The following TBXAS1 variants were observed in gnomAD, a reference collection of about 807,000 sequenced individuals.
TBXAS1 encodes the protein thromboxane-A synthase.
TBXAS1 carries 48 observed loss-of-function variants against 60.7 expected under a neutral mutation model. The ratio of observed to expected loss-of-function variants is 0.79; its 90% CI spans 0.63 to 1.01. The LOEUF is 1.01. Ranked by LOEUF, TBXAS1 falls within the 50% of genes least tolerant of loss-of-function variation. The pLI is 0.00. For synonymous variants in TBXAS1, 287 were observed against 269.7 expected, an observed-to-expected ratio of 1.06 and a Z score of -0.63; for missense variants, 685 against 686.3, an observed-to-expected ratio of 1.00 and a Z score of 0.02.
chr7:139,827,542 T>C (rs911799222), upstream of TBXAS1, among the ~76,000 whole-genome samples: 5 of 152,260 alleles, frequency 3.3e-5, no homozygotes, highest in Non-Finnish European at 7.3e-5. Flanking sequence ...TTTTTTGCTT[T>C]TGTTTTTTAA....
At chr7:139,791,964 T>C (rs1797398759) in intron 4 of TBXAS1, among the ~76,000 whole-genome samples, 1 of 152,068 alleles carries the variant, frequency 6.6e-6, no homozygotes, top group East Asian at 1.9e-4. Context: ...TGTTATATTT[T>C]TTTCCTGTGG....
At chr7:139,817,183 G>T (rs1798169814) in intron 4 of TBXAS1, among the ~76,000 whole-genome samples, 1 of 152,038 alleles carries the variant, frequency 6.6e-6, no homozygotes, top group Admixed American at 6.6e-5. Flanking sequence ...ATCTCCCAGT[G>T]GGTCTCCCTT....
intron 4 of TBXAS1, among the ~76,000 whole-genome samples, chr7:139,930,089 A>AGG (rs1260654420): frequency 3.3e-5 from 5 of 152,120 alleles, no homozygotes; most frequent in African/African-American, 1.2e-4. Context: ...CACATCCTTA[A>AGG]GGGTCCTCAC....
intron 3 of TBXAS1, among the ~76,000 whole-genome samples, chr7:139,876,278 C>T (rs1374233124): frequency 6.6e-6 from 1 of 152,130 alleles, no homozygotes; most frequent in Non-Finnish European, 1.5e-5. Flanking sequence ...TTTGTATGCT[C>T]CTTTGTTTCT....
At chr7:139,841,953 A>AT (rs1407471410) in intron 1 of TBXAS1, among the ~76,000 whole-genome samples, 3 of 152,018 alleles carry the variant, frequency 2.0e-5, no homozygotes, top group South Asian at 2.1e-4. Context: ...GAATAGATTG[A>AT]TTTTTTTTAA....
At chr7:139,819,287 G>C (rs1798231363) in intron 4 of TBXAS1, among the ~76,000 whole-genome samples, 1 of 152,172 alleles carries the variant, frequency 6.6e-6, no homozygotes, top group Non-Finnish European at 1.5e-5. Context: ...GGATGATCCA[G>C]CAGAGGCATC....
chr7:139,973,615 G>A (rs566114084), intron 9 of TBXAS1, among the ~76,000 whole-genome samples: 4 of 150,878 alleles, frequency 2.7e-5, no homozygotes, highest in African/African-American at 9.7e-5. Context: ...GAAAATATCA[G>A]CTACCAGACT....
At chr7:139,847,380 G>A (rs907452111) in intron 1 of TBXAS1, among the ~76,000 whole-genome samples, 2 of 152,120 alleles carry the variant, frequency 1.3e-5, no homozygotes, top group East Asian at 1.9e-4. Flanking sequence ...CTCTATTCTC[G>A]CCTGTTGACC....
chr7:140,000,118 G>A (rs1335804639), intron 9 of TBXAS1, among the ~76,000 whole-genome samples: 1 of 152,160 alleles, frequency 6.6e-6, no homozygotes, highest in Non-Finnish European at 1.5e-5. Flanking sequence ...GGGCAGTACT[G>A]TTATTTCCTA....
chr7:140,017,736 G>A lies in TBXAS1; in HGVS notation c.1430G>A (p.Arg477Gln), dbSNP rs371681873. 1.2e-5 allele frequency: 19 copies of A among 1,613,922 alleles called. No homozygotes were observed. Among genetic ancestry groups the A allele is most frequent in the African/African-American group, 4.0e-5 (3 of 74,914 alleles). The change falls in exon 12 of 13, where the codon CGG becomes CAG. Residue 477 changes from arginine (R) to glutamine (Q), a missense_variant. Transcript: ENST00000448866. Reference protein sequence around the residue: ...FTYLPFGAGPRSCLGVRLGLL... With the variant: ...FTYLPFGAGPQSCLGVRLGLL... ...TACCTGCCCTTCGGGGCCGGCCCAC[G>A]GAGCTGCCTCGGGGTGCGTCTAGGG... is the stretch of plus-strand genomic sequence containing the variant.
intron 3 of TBXAS1, among the ~76,000 whole-genome samples, chr7:139,881,497 C>T (rs753522484): frequency 6.6e-6 from 1 of 152,050 alleles, no homozygotes; most frequent in Non-Finnish European, 1.5e-5. Flanking sequence ...GAAATTCATC[C>T]TTTTCCAAAT....
At chr7:139,983,285 A>C (rs555357214) in intron 9 of TBXAS1, among the ~76,000 whole-genome samples, 1 of 152,174 alleles carries the variant, frequency 6.6e-6, no homozygotes, top group African/African-American at 2.4e-5. Context: ...ATGTGCTCTC[A>C]CTGGGATTGG....
intron 9 of TBXAS1, among the ~76,000 whole-genome samples, chr7:139,982,176 T>C (rs1812022493): frequency 6.6e-6 from 1 of 152,272 alleles, no homozygotes; most frequent in South Asian, 2.1e-4. Context: ...GGGACATACT[T>C]ATACTAAAAA....
chr7:139,916,153 A>G lies in TBXAS1; in HGVS notation c.333+4832A>G, dbSNP rs934887096. Among the ~76,000 whole-genome samples the G allele has an allele frequency of 1.3e-5, 2 of 152,174 alleles. No homozygotes were observed. The highest frequency in any genetic ancestry group is 4.8e-5 in the African/African-American group (2 of 41,438). On this transcript the variant is annotated intron_variant, in intron 4 of 12. Transcript: ENST00000448866. This position sits in a 1 kb window ranked among gnomAD's most constrained non-coding sequence, Gnocchi z 4.2. ...AAACCATAGGGCAGCTCTTTTTTAA[A>G]TATCTGTGGAAAATGGAGCTGAGTC...
At chr7:139,874,398 C>G (rs1802062354) in intron 2 of TBXAS1, among the ~76,000 whole-genome samples, 1 of 152,226 alleles carries the variant, frequency 6.6e-6, no homozygotes, top group African/African-American at 2.4e-5. Flanking sequence ...GTGCTCCCGC[C>G]TCTGGAGAGC....
At chr7:139,832,844 T>TGATTCTTGTTCAA (rs1798798096) in intron 1 of TBXAS1, among the ~76,000 whole-genome samples, 1 of 152,342 alleles carries the variant, frequency 6.6e-6, no homozygotes, top group Non-Finnish European at 1.5e-5. Flanking sequence ...CCAAGAATGT[T>TGATTCTTGTTCAA]GTATCCAGTG....
chr7:139,831,890 C>T (rs1240263189), intron 1 of TBXAS1, among the ~76,000 whole-genome samples: 1 of 152,150 alleles, frequency 6.6e-6, no homozygotes, highest in South Asian at 2.1e-4. Context: ...TGAGATCATG[C>T]CACTTCCCTC....
At chr7:139,791,240 G>GT (rs1797372458) in intron 4 of TBXAS1, among the ~76,000 whole-genome samples, 1 of 152,234 alleles carries the variant, frequency 6.6e-6, no homozygotes, top group Non-Finnish European at 1.5e-5. Flanking sequence ...CACAATGAAA[G>GT]TTTATTTCTC....
At chr7:139,985,985 C>T (rs1018478092) in intron 9 of TBXAS1, among the ~76,000 whole-genome samples, 1 of 152,228 alleles carries the variant, frequency 6.6e-6, no homozygotes, top group African/African-American at 2.4e-5. Context: ...CCAGGTGTGG[C>T]ATGAGGTGCT....
Sources: allele counts gnomAD v4.1 joint callset (sites outside exome capture counted in the v4.1 genomes callset), GRCh38; gene constraint gnomAD v4.1.1; non-coding constraint Gnocchi (gnomAD v3.1); transcripts MANE v1.5; gene names NCBI Gene and HGNC (gene_info 2026-07-23, HGNC 2026-07-21).